The following TNFAIP8L3 variants were observed in gnomAD, a reference collection of about 807,000 sequenced individuals.
TNFAIP8L3 encodes tumor necrosis factor alpha-induced protein 8-like protein 3.
TNFAIP8L3 carries 7 observed loss-of-function variants against 11.8 expected under a neutral mutation model. The ratio of observed to expected loss-of-function variants is 0.59; its 90% CI spans 0.34 to 1.11. The LOEUF (loss-of-function observed/expected upper bound fraction) is 1.11, where lower values mean the gene tolerates loss of function less well. Among genes scored for constraint, TNFAIP8L3 ranks in the 50% most tolerant of loss-of-function variants. TNFAIP8L3 has a pLI of 0.03. For missense variants in TNFAIP8L3, 219 were observed against 258.6 expected (o/e 0.85, Z 1.05); for synonymous variants, 98 against 103.8 (o/e 0.94, Z 0.34).
upstream of TNFAIP8L3, among the ~76,000 whole-genome samples, chr15:51,099,737 A>T (rs1555469205): frequency 6.6e-6 from 1 of 152,114 alleles, no homozygotes; most frequent in Non-Finnish European, 1.5e-5. Context: ...GTGCCTTCCC[A>T]TATTCCTGGA....
Position 51,057,895 on chromosome 15 carries a change from C to T in TNFAIP8L3, c.601G>A (p.Glu201Lys), listed in dbSNP as rs1279290274. Residue 201 changes from glutamate (E) to lysine (K), a missense_variant, in exon 2 of 2, where the codon GAG (glutamate) becomes AAG (lysine). Glu to Lys is a moderately conservative substitution (Grantham distance 56). Transcript: ENST00000637513. ...ICEGINKLLD[E>K]KVL The stretch of plus-strand genomic sequence containing the variant: ...AGGGAAGGCATTTAAAGGACTTTCT[C>T]ATCTAGCAACTTATTGATTCCTTCA... 6.3e-7 allele frequency: 1 copy of T among 1,579,152 alleles called. No homozygotes were observed. The highest frequency in any genetic ancestry group is 1.8e-5 in the Admixed American group (1 of 54,734).
chr15:51,096,229 C>T (rs187249475), upstream of TNFAIP8L3, among the ~76,000 whole-genome samples: 2 of 152,206 alleles, frequency 1.3e-5, no homozygotes, highest in Admixed American at 6.5e-5. Flanking sequence ...TGAAGGCTGC[C>T]GTCTTTAGTG....
chr15:51,063,678 T>G (rs1170274681), intron 1 of TNFAIP8L3, among the ~76,000 whole-genome samples: 1 of 152,202 alleles, frequency 6.6e-6, no homozygotes, highest in Non-Finnish European at 1.5e-5. Context: ...ATGTAGCAAG[T>G]GCTATGAGGA....
chr15:51,099,080 C>G (rs1249111121), upstream of TNFAIP8L3, among the ~76,000 whole-genome samples: 4 of 152,194 alleles, frequency 2.6e-5, no homozygotes, highest in African/African-American at 9.6e-5. Flanking sequence ...CTGTATATAT[C>G]CCAAGACTTT....
intron 1 of TNFAIP8L3, among the ~76,000 whole-genome samples, chr15:51,061,874 G>A (rs544800219): frequency 2.0e-4 from 30 of 152,168 alleles, no homozygotes; most frequent in Non-Finnish European, 2.1e-4. Flanking sequence ...TAAATAAGAG[G>A]GGCAGGGGTG....
intron 1 of TNFAIP8L3, among the ~76,000 whole-genome samples, chr15:51,101,447 C>A (rs933767126): frequency 6.6e-6 from 1 of 151,956 alleles, no homozygotes; most frequent in Non-Finnish European, 1.5e-5. Context: ...CATGAAGAAA[C>A]CCTGTCTCTA....
chr15:51,078,999 A>C (rs1019012913), intron 1 of TNFAIP8L3, among the ~76,000 whole-genome samples: 1 of 152,154 alleles, frequency 6.6e-6, no homozygotes, highest in Admixed American at 6.5e-5. Flanking sequence ...GGCTTCGATG[A>C]TGCTGCTCCT....
chr15:51,058,429 TAAAAACA>T lies in TNFAIP8L3; in HGVS notation c.60_66del (p.Asp20GlufsTer15). On this transcript the variant is annotated frameshift_variant, in exon 2 of 2. Transcript: ENST00000637513. LOFTEE classifies it high-confidence loss of function. Reference sequence around the variant, plus strand: ...GCTTGAAGCGCAAGACTCTTTGAACTAAAAACATCAGGACCTATGGTAAAAAAAATAT... The same window carrying T: ...GCTTGAAGCGCAAGACTCTTTGAACTTCAGGACCTATGGTAAAAAAAATAT... 2 of 1,573,762 alleles carry T rather than the reference TAAAAACA, an allele frequency of 1.3e-6. No individual in the cohort carries two copies. Among genetic ancestry groups the T allele is most frequent in the Non-Finnish European group, 1.7e-6 (2 of 1,168,006 alleles).
upstream of TNFAIP8L3, among the ~76,000 whole-genome samples, chr15:51,095,716 C>T (rs1026401954): frequency 2.0e-5 from 3 of 152,040 alleles, no homozygotes; most frequent in African/African-American, 4.8e-5. Flanking sequence ...GGGAAATGCA[C>T]GGAGCACCGA....
At chr15:51,067,149 C>T (rs1595607487) in intron 1 of TNFAIP8L3, among the ~76,000 whole-genome samples, 2 of 152,256 alleles carry the variant, frequency 1.3e-5, no homozygotes, top group East Asian at 3.9e-4. Flanking sequence ...CTGAGGCTTA[C>T]AAAAGGCATT....
intron 1 of TNFAIP8L3, among the ~76,000 whole-genome samples, chr15:51,091,676 GCACACACACACA>G (rs3077947): frequency 5.8e-4 from 84 of 144,102 alleles, no homozygotes; most frequent in East Asian, 5.4e-3. Flanking sequence ...ACCTCCTCAA[GCACACACACACA>G]CACACACACA....
chr15:51,061,471 G>A (rs943834398), intron 1 of TNFAIP8L3, among the ~76,000 whole-genome samples: 1 of 152,166 alleles, frequency 6.6e-6, no homozygotes, highest in Non-Finnish European at 1.5e-5. Context: ...TGTGTCCAAT[G>A]TAACGTAAGT....
intron 1 of TNFAIP8L3, among the ~76,000 whole-genome samples, chr15:51,067,473 A>G (rs2065279403): frequency 6.6e-6 from 1 of 152,206 alleles, no homozygotes; most frequent in African/African-American, 2.4e-5. Context: ...TGGGGTGCAA[A>G]AAATGGAACT....
At chr15:51,070,567 T>G (rs1057336639) in intron 1 of TNFAIP8L3, among the ~76,000 whole-genome samples, 2 of 152,188 alleles carry the variant, frequency 1.3e-5, no homozygotes, top group Non-Finnish European at 2.9e-5. Flanking sequence ...CTTGTCTGAA[T>G]CCACCATTTA....
chr15:51,105,210 C>G (rs1567300829), exon 1 of TNFAIP8L3: 2 of 1,605,746 alleles, frequency 1.2e-6, no homozygotes, highest in Non-Finnish European at 8.5e-7. Context: ...GACAGTAGCC[C>G]TAACTTGCAC....
At chr15:51,077,497 C>G (rs1375877296) in intron 1 of TNFAIP8L3, among the ~76,000 whole-genome samples, 1 of 152,226 alleles carries the variant, frequency 6.6e-6, no homozygotes, top group Non-Finnish European at 1.5e-5. Context: ...CCATCTTATG[C>G]AAGGGGGCCT....
intron 1 of TNFAIP8L3, among the ~76,000 whole-genome samples, chr15:51,061,557 G>A (rs2065242865): frequency 6.6e-6 from 1 of 152,114 alleles, no homozygotes; most frequent in African/African-American, 2.4e-5. Flanking sequence ...AATTGGAAAT[G>A]TTACATTTTT....
Position 51,058,204 on chromosome 15 carries a change from T to C in TNFAIP8L3, c.292A>G (p.Ser98Gly), listed in dbSNP as rs755450031. 36 of 1,614,230 alleles carry C rather than the reference T, an allele frequency of 2.2e-5. No individual in the cohort carries two copies. In the South Asian group the frequency reaches 3.7e-4, roughly 17 times the overall value. The change falls in exon 2 of 2, where the codon AGC (serine) becomes GGC (glycine). Residue 98 changes from serine (S) to glycine (G), a missense_variant. Transcript: ENST00000637513. Reference sequence around the variant, plus strand: ...TCCACAATAACCAGCTCCTCTTGGCTAAACTGGTTGTTCCGGTAGAGGATC... The same window carrying C: ...TCCACAATAACCAGCTCCTCTTGGCCAAACTGGTTGTTCCGGTAGAGGATC... ...IGILYRNNQF[S>G]QEELVIVEKF...
At chr15:51,077,405 G>A (rs1372103131) in intron 1 of TNFAIP8L3, among the ~76,000 whole-genome samples, 1 of 152,084 alleles carries the variant, frequency 6.6e-6, no homozygotes, top group Non-Finnish European at 1.5e-5. Flanking sequence ...CAGCTGCCCC[G>A]CCTGTCTCCC....
Sources: allele counts gnomAD v4.1 joint callset (sites outside exome capture counted in the v4.1 genomes callset), GRCh38; gene constraint gnomAD v4.1.1; transcripts MANE v1.5; gene names NCBI Gene and HGNC (gene_info 2026-07-23, HGNC 2026-07-21).